The following PHIP variants were observed in gnomAD, a reference collection of about 807,000 sequenced individuals.
The protein encoded by PHIP is PHIP subunit of CUL4-Ring ligase complex, also known as PH-interacting protein.
A neutral mutation model predicts 236.8 loss-of-function variants in PHIP; 54 were observed. That is an observed-to-expected ratio of 0.23 (90% CI 0.18 to 0.29). The LOEUF is 0.29. Ranked by LOEUF, PHIP falls within the 10% of genes least tolerant of loss-of-function variation. The pLI is 1.00. For synonymous variants in PHIP, 756 were observed against 718.9 expected, an observed-to-expected ratio of 1.05 and a Z score of -0.83; for missense variants, 1,370 against 2,190.8, an observed-to-expected ratio of 0.63 and a Z score of 7.48.
At chr6:79,052,147 T>G (rs1232481812) in intron 6 of PHIP, among the ~76,000 whole-genome samples, 1 of 152,156 alleles carries the variant, frequency 6.6e-6, no homozygotes, top group Non-Finnish European at 1.5e-5. Context: ...TTGAAATATA[T>G]AGCAAAAGGG....
chr6:79,044,442 A>G lies in PHIP; in HGVS notation c.440-1439T>C, dbSNP rs188505813. 6.3e-4 allele frequency among the ~76,000 whole-genome samples: 96 copies of G among 152,302 alleles called. 1 individual carries two copies. The South Asian group carries it at 8.1e-3, about 13-fold the overall frequency. Reference sequence around the variant, plus strand: ...TCTTCACGCCCAGGAATGGCCTGGTAAAAGACATCCTCCAATGCTTTGGCT... The same window carrying G: ...TCTTCACGCCCAGGAATGGCCTGGTGAAAGACATCCTCCAATGCTTTGGCT... On this transcript the variant is annotated intron_variant, in intron 6 of 39. Coordinates refer to ENST00000275034, the MANE Select transcript of PHIP (RefSeq NM_017934.7).
At chr6:79,028,984 G>T (rs973258118) in intron 7 of PHIP, among the ~76,000 whole-genome samples, 1 of 152,154 alleles carries the variant, frequency 6.6e-6, no homozygotes, top group Non-Finnish European at 1.5e-5. Flanking sequence ...CAATTAAAAT[G>T]TAACAGGAAG....
intron 35 of PHIP, among the ~76,000 whole-genome samples, chr6:78,949,043 G>A (rs948612118): frequency 6.6e-6 from 1 of 152,120 alleles, no homozygotes; most frequent in Non-Finnish European, 1.5e-5. Flanking sequence ...TGGTGAGAGT[G>A]AACATTTTTC....
At chr6:79,020,564 T>C (rs1209013740) in intron 9 of PHIP, among the ~76,000 whole-genome samples, 1 of 152,218 alleles carries the variant, frequency 6.6e-6, no homozygotes, top group Non-Finnish European at 1.5e-5. Context: ...TTTTGGTACA[T>C]CTGCTCACAT....
At chr6:79,075,727 A>T (rs978618661) in intron 4 of PHIP, among the ~76,000 whole-genome samples, 1 of 152,114 alleles carries the variant, frequency 6.6e-6, no homozygotes, top group Admixed American at 6.5e-5. Context: ...CATTTAAAAA[A>T]TGTAACATTA....
chr6:78,990,847 A>C, intron 20 of PHIP, 21 bp downstream of exon 20: 1 of 1,367,306 alleles, frequency 7.3e-7, no homozygotes, highest in South Asian at 1.3e-5. Context: ...AATATTAAAC[A>C]TCAAAATAAT....
intron 6 of PHIP, among the ~76,000 whole-genome samples, chr6:79,054,789 A>G (rs979752590): frequency 6.6e-6 from 1 of 152,002 alleles, no homozygotes; most frequent in African/African-American, 2.4e-5. Context: ...ATTCAAACAC[A>G]ATATTGGAAA....
At chr6:78,973,947 G>A (rs1448800282) in intron 24 of PHIP, among the ~76,000 whole-genome samples, 2 of 151,582 alleles carry the variant, frequency 1.3e-5, no homozygotes, top group East Asian at 1.9e-4. Flanking sequence ...ACACCCCACT[G>A]TCAACATTAG....
intron 14 of PHIP, among the ~76,000 whole-genome samples, 184 bp from the exon 15 acceptor site, chr6:79,015,400 G>C (rs1032100996): frequency 2.6e-5 from 4 of 151,442 alleles, no homozygotes; most frequent in Non-Finnish European, 5.9e-5. Flanking sequence ...ATTGTCCAGG[G>C]CTTGGTGGAT....
intron 9 of PHIP, among the ~76,000 whole-genome samples, chr6:79,025,225 A>G (rs1771336135): frequency 6.6e-6 from 1 of 152,198 alleles, no homozygotes; most frequent in Admixed American, 6.5e-5. Context: ...AAAAGCAGCT[A>G]TTAAAACTAT....
At chr6:79,042,800 A>C (rs1191361085) in intron 7 of PHIP, 43 bp downstream of exon 7, 3 of 1,384,498 alleles carry the variant, frequency 2.2e-6, no homozygotes, top group Admixed American at 5.0e-5. Flanking sequence ...ATATTTCCTC[A>C]ATTACATATA....
chr6:78,979,323 A>G lies in PHIP; in HGVS notation c.2770-612T>C, dbSNP rs529778741. ...CCAACACTCACAACAAGGTAACAAG[A>G]TATCCCCACAAACCCCAAAGTACAA... On this transcript the variant is annotated intron_variant, in intron 23 of 39. Transcript: ENST00000275034. Among the ~76,000 whole-genome samples the G allele has an allele frequency of 3.2e-4, 48 of 152,198 alleles. No individual in the cohort carries two copies. In the South Asian group the frequency reaches 9.3e-3, roughly 30 times the overall value.
intron 7 of PHIP, among the ~76,000 whole-genome samples, chr6:79,030,187 GAAC>G (rs1223696003): frequency 1.3e-5 from 2 of 152,086 alleles, no homozygotes; most frequent in South Asian, 2.1e-4. Context: ...GAGAGGGAGA[GAAC>G]AACAAGCGAA....
chr6:79,075,645 C>CA (rs1235447098), intron 4 of PHIP, among the ~76,000 whole-genome samples: 1 of 118,172 alleles, frequency 8.5e-6, no homozygotes, highest in Admixed American at 1.1e-4. Context: ...AAAAAAAAAA[C>CA]AAAAAAACAA....
intron 4 of PHIP, among the ~76,000 whole-genome samples, chr6:79,076,532 A>G (rs1774170935): frequency 6.6e-6 from 1 of 152,222 alleles, no homozygotes; most frequent in East Asian, 1.9e-4. Flanking sequence ...TGAAGTGATA[A>G]ATCCACTTCT....
chr6:79,027,301 A>G (rs1427769312), intron 7 of PHIP, among the ~76,000 whole-genome samples: 2 of 152,166 alleles, frequency 1.3e-5, no homozygotes, highest in Admixed American at 6.5e-5. Flanking sequence ...CGATAAAACC[A>G]GTTCCTCTGA....
intron 24 of PHIP, among the ~76,000 whole-genome samples, chr6:78,974,936 C>T (rs912429945): frequency 2.0e-5 from 3 of 151,446 alleles, no homozygotes; most frequent in African/African-American, 4.9e-5. Flanking sequence ...CCGAATTCTA[C>T]CAGAGGTACA....
At chr6:79,001,123 A>G (rs992740913) in intron 17 of PHIP, among the ~76,000 whole-genome samples, 1 of 152,108 alleles carries the variant, frequency 6.6e-6, no homozygotes, top group Non-Finnish European at 1.5e-5. Flanking sequence ...ATTTTCATAA[A>G]TATTTTTCTA....
At chr6:79,015,976 A>C (rs573338492) in intron 13 of PHIP, among the ~76,000 whole-genome samples, 193 bp from the exon 14 acceptor site, 94 of 152,046 alleles carry the variant, frequency 6.2e-4, no homozygotes, top group Non-Finnish European at 1.2e-3. Context: ...GATTTCCAGA[A>C]TTCTAGCACT....
Sources: gnomAD v4.1 joint callset for allele counts (sites outside exome capture counted in the v4.1 genomes callset) on GRCh38, gnomAD v4.1.1 for gene constraint, MANE v1.5 for transcripts, NCBI Gene and HGNC (gene_info 2026-07-23, HGNC 2026-07-21) for gene names.